Variants in SAXO1 observed in about 807,000 individuals in gnomAD.
The protein encoded by SAXO1 is 4930500O09Rik.
Under a neutral mutation model 17.5 loss-of-function variants are expected in SAXO1, and 21 were observed. The ratio of observed to expected loss-of-function variants is 1.20; its 90% confidence interval spans 0.85 to 1.72. SAXO1 has a LOEUF of 1.72. Among genes scored for constraint, SAXO1 ranks in the 40% most tolerant of loss-of-function variants. The pLI, the probability that SAXO1 is intolerant of heterozygous loss-of-function variation, is 0.00. For synonymous variants in SAXO1, 274 were observed against 216.5 expected, an observed-to-expected ratio of 1.27 and a Z score of -2.33; for missense variants, 843 against 596.0, an observed-to-expected ratio of 1.41 and a Z score of -4.32.
intron 1 of SAXO1, among the ~76,000 whole-genome samples, chr9:19,016,820 T>TA (rs1834994192): frequency 2.8e-5 from 4 of 143,156 alleles, no homozygotes; most frequent in Admixed American, 1.4e-4. Flanking sequence ...TTTTTTTTTT[T>TA]AGCTACCTAA....
rs563680690 is a variant in SAXO1, at chr9:18,973,791, C to T, written c.39-22854G>A. 7.9e-5 allele frequency among the ~76,000 whole-genome samples: 12 copies of T among 152,324 alleles called. No individual in the cohort carries two copies. The South Asian group carries it at 2.5e-3, about 32-fold the overall frequency. ...GGTGTTTAGTCTTACCTATTATATC[C>T]TGATCACCTGATTATCCCACTGTAA... On this transcript the variant is annotated intron_variant, in intron 1 of 3. Transcript: ENST00000380534.
At chr9:19,033,577 TG>T (rs1835856700), upstream of SAXO1, among the ~76,000 whole-genome samples, 1 of 152,228 alleles carries the variant, frequency 6.6e-6, no homozygotes, top group Non-Finnish European at 1.5e-5. Flanking sequence ...GATCTTCCTG[TG>T]GAAACCTAGG....
At chr9:18,932,621 T>G (rs1040421778) in intron 3 of SAXO1, among the ~76,000 whole-genome samples, 11 of 152,328 alleles carry the variant, frequency 7.2e-5, no homozygotes, top group African/African-American at 2.4e-4. Context: ...ACAGATCAAT[T>G]TGGGACAACT....
intron 1 of SAXO1, among the ~76,000 whole-genome samples, chr9:18,987,248 C>G (rs1421444124): frequency 6.6e-6 from 1 of 152,180 alleles, no homozygotes; most frequent in African/African-American, 2.4e-5. Context: ...GATCTCACCC[C>G]TTCACCCAGG....
At chr9:19,014,441 A>G (rs1399673561) in intron 1 of SAXO1, among the ~76,000 whole-genome samples, 3 of 140,868 alleles carry the variant, frequency 2.1e-5, no homozygotes, top group Non-Finnish European at 4.6e-5. Context: ...AGCCTGGGCA[A>G]CAGAGCGAAA....
intron 1 of SAXO1, chr9:19,027,562 G>A: frequency 7.7e-7 from 1 of 1,295,954 alleles, no homozygotes; most frequent in Non-Finnish European, 1.1e-6. Flanking sequence ...GTAGGGCACA[G>A]ACTAAGGCCA....
At chr9:19,027,715 G>A (rs1835557720) in intron 1 of SAXO1, 2 of 1,397,278 alleles carry the variant, frequency 1.4e-6, no homozygotes, top group African/African-American at 1.4e-5. Flanking sequence ...TAGGCACCAA[G>A]CACTTTGACA....
At chr9:18,949,062 T>C (rs1831917285) in intron 2 of SAXO1, among the ~76,000 whole-genome samples, 1 of 152,188 alleles carries the variant, frequency 6.6e-6, no homozygotes, top group South Asian at 2.1e-4. Context: ...CTTCTTATTA[T>C]GGTCTTTAGA....
intron 1 of SAXO1, among the ~76,000 whole-genome samples, chr9:19,005,296 C>T (rs565838711): frequency 2.1e-4 from 32 of 151,886 alleles, no homozygotes; most frequent in Non-Finnish European, 3.5e-4. Context: ...TATTGAATCT[C>T]AAGGGACCCA....
rs556168425 is a variant in SAXO1 at position 19,012,514 on chromosome 9, G to A, written c.38+20357C>T. On this transcript the variant is annotated intron_variant, in intron 1 of 3. Transcript: ENST00000380534. The stretch of plus-strand genomic sequence containing the variant: ...ATCTAAAGATATGTCAATGTGGCAC[G>A]AACCATATGGGGGACGGTGGGCACA... Among the ~76,000 whole-genome samples, 9 of 152,302 alleles carry A rather than the reference G, an allele frequency of 5.9e-5. No individual in the cohort carries two copies. In the South Asian group the frequency reaches 1.9e-3, roughly 32 times the overall value.
At chr9:18,991,798 A>G (rs1833827198) in intron 1 of SAXO1, among the ~76,000 whole-genome samples, 1 of 152,190 alleles carries the variant, frequency 6.6e-6, no homozygotes, top group South Asian at 2.1e-4. Context: ...CCCACCTGCC[A>G]GTCCACAGAA....
At chr9:18,989,939 G>A (rs937815012) in intron 1 of SAXO1, among the ~76,000 whole-genome samples, 1 of 152,008 alleles carries the variant, frequency 6.6e-6, no homozygotes, top group Non-Finnish European at 1.5e-5. Context: ...AATTTTTTTT[G>A]AATATGCACC....
intron 2 of SAXO1, among the ~76,000 whole-genome samples, chr9:18,947,443 A>G (rs1831846146): frequency 6.6e-6 from 1 of 152,006 alleles, no homozygotes; most frequent in Admixed American, 6.6e-5. Context: ...CACACCCATC[A>G]AGTCTGAACT....
intron 1 of SAXO1, among the ~76,000 whole-genome samples, chr9:18,987,896 CAA>C (rs55775001): frequency 4.4e-5 from 6 of 136,340 alleles, no homozygotes; most frequent in Admixed American, 1.5e-4. Flanking sequence ...GACCCTGTCT[CAA>C]AAAAAAAAAA....
At position 18,963,431 on chromosome 9, in the gene SAXO1, C is replaced by T. The variant is rs1588447459; in HGVS notation, c.39-12494G>A. 2.0e-5 allele frequency among the ~76,000 whole-genome samples: 3 copies of T among 152,132 alleles called. No individual in the cohort carries two copies. The East Asian group carries it at 5.8e-4, about 29-fold the overall frequency. ...TTGTATGATACTGATTCTTCCTATC[C>T]ATGAGCATGCAATGTTTTTCCACTT... On this transcript the variant is annotated intron_variant, in intron 1 of 3. Coordinates refer to ENST00000380534, the MANE Select transcript of SAXO1 (RefSeq NM_153707.4).
At chr9:19,039,989 A>C (rs1836038604) in intron 1 of SAXO1, among the ~76,000 whole-genome samples, 2 of 152,216 alleles carry the variant, frequency 1.3e-5, no homozygotes, top group South Asian at 4.1e-4. Context: ...TCGGCCTCTC[A>C]AAGTGCTGGG....
intron 1 of SAXO1, among the ~76,000 whole-genome samples, chr9:19,002,481 T>C (rs900296427): frequency 2.0e-5 from 3 of 152,206 alleles, no homozygotes; most frequent in Non-Finnish European, 4.4e-5. Flanking sequence ...TGAACATCGA[T>C]GCAAAAATTC....
chr9:18,951,569 TCCG>T (rs1832040429), intron 1 of SAXO1, among the ~76,000 whole-genome samples: 1 of 152,162 alleles, frequency 6.6e-6, no homozygotes, highest in Non-Finnish European at 1.5e-5. Flanking sequence ...TAGAAAGACT[TCCG>T]CCAATCATCT....
intron 1 of SAXO1, among the ~76,000 whole-genome samples, chr9:18,988,571 A>G (rs955259424): frequency 2.0e-5 from 3 of 152,240 alleles, no homozygotes; most frequent in Admixed American, 2.0e-4. Context: ...TATACATTAA[A>G]TCATGGCAAA....
Sources: gnomAD v4.1 joint callset for allele counts (sites outside exome capture counted in the v4.1 genomes callset) on GRCh38, gnomAD v4.1.1 for gene constraint, MANE v1.5 for transcripts, NCBI Gene and HGNC (gene_info 2026-07-23, HGNC 2026-07-21) for gene names.